The following COL4A4 variants were observed in gnomAD, a reference collection of about 807,000 sequenced individuals.
COL4A4 encodes collagen alpha-4(IV) chain.
In COL4A4, 105 loss-of-function variants were observed where a neutral mutation model predicts 192.9. That is an observed-to-expected ratio of 0.54 (90% confidence interval 0.46 to 0.64). COL4A4 has a LOEUF of 0.64. Among genes scored for constraint, COL4A4 ranks in the 30% least tolerant of loss-of-function variants. COL4A4 has a pLI of 0.00. For synonymous variants in COL4A4, 762 were observed against 769.9 expected (o/e 0.99, Z 0.17); for missense variants, 1,967 against 2,169.3 (o/e 0.91, Z 1.85).
intron 9 of COL4A4, among the ~76,000 whole-genome samples, chr2:227,110,350 G>A (rs569476549): frequency 5.9e-5 from 9 of 152,290 alleles, no homozygotes; most frequent in Admixed American, 2.6e-4. Flanking sequence ...CAGGAAAGTC[G>A]TTCCATCACT....
At chr2:227,035,905 T>C (rs539064548) in intron 37 of COL4A4, among the ~76,000 whole-genome samples, 50 of 152,328 alleles carry the variant, frequency 3.3e-4, no homozygotes, top group Middle Eastern at 3.4e-3. Flanking sequence ...CCTCTCGCCA[T>C]TGTTGAACTG....
intron 19 of COL4A4, among the ~76,000 whole-genome samples, chr2:227,097,698 T>A (rs2060278099): frequency 6.6e-6 from 1 of 152,208 alleles, no homozygotes; most frequent in Non-Finnish European, 1.5e-5. Flanking sequence ...CTGGGTCAGT[T>A]AGGCCAAGGC....
the COL4A4 span, chr2:226,997,612 T>C: frequency 1.3e-5 from 2 of 152,224 alleles, no homozygotes; most frequent in African/African-American, 2.4e-5. Flanking sequence ...TCACTGTATA[T>C]GGAAGTATTT....
chr2:227,161,505 A>AT (rs1474102192), intron 1 of COL4A4, among the ~76,000 whole-genome samples: 4 of 152,218 alleles, frequency 2.6e-5, no homozygotes, highest in South Asian at 2.1e-4. Context: ...CCCAAAGACA[A>AT]TTTTTTTAAC....
chr2:227,160,829 AAG>A (rs2125560484), intron 1 of COL4A4, among the ~76,000 whole-genome samples: 1 of 152,374 alleles, frequency 6.6e-6, no homozygotes, highest in African/African-American at 2.4e-5. Flanking sequence ...AGAGAAGCAG[AAG>A]AGGAGTCCAG....
chr2:227,022,610 C>G (rs1575818456), intron 43 of COL4A4: 2 of 518,100 alleles, frequency 3.9e-6, no homozygotes, highest in East Asian at 1.1e-4. Context: ...TTACTCTACA[C>G]TGCAGCCACG....
At chr2:227,159,608 T>C (rs190018309) in intron 1 of COL4A4, among the ~76,000 whole-genome samples, 56 of 152,326 alleles carry the variant, frequency 3.7e-4, no homozygotes, top group African/African-American at 1.3e-3. Context: ...TGGGAGGTAA[T>C]TGAATCATGG....
chr2:227,048,810 A>G (rs373792724), intron 34 of COL4A4, among the ~76,000 whole-genome samples: 1 of 152,226 alleles, frequency 6.6e-6, no homozygotes, highest in East Asian at 1.9e-4. Flanking sequence ...AAAAGGAGTG[A>G]CTTCTGAACC....
intron 44 of COL4A4, among the ~76,000 whole-genome samples, chr2:227,018,596 C>T (rs1965393244): frequency 6.6e-6 from 1 of 152,124 alleles, no homozygotes; most frequent in Non-Finnish European, 1.5e-5. Context: ...CAAAAAGGAG[C>T]CCCAGGGAAG....
the COL4A4 span, among the ~76,000 whole-genome samples, chr2:226,973,115 G>A: frequency 2.6e-5 from 4 of 152,094 alleles, no homozygotes; most frequent in Admixed American, 2.0e-4. Flanking sequence ...CTTCAGCCTC[G>A]GGGTTCTTGT....
chr2:227,114,246 G>A (rs1576613623), intron 8 of COL4A4, among the ~76,000 whole-genome samples: 2 of 152,356 alleles, frequency 1.3e-5, no homozygotes, highest in East Asian at 3.9e-4. Context: ...GGAGTTCAGA[G>A]GTGGGGGATG....
chr2:227,031,831 A>AT, intron 40 of COL4A4, 114 bp downstream of exon 40: 1 of 809,580 alleles, frequency 1.2e-6, no homozygotes, highest in Non-Finnish European at 2.1e-6. Flanking sequence ...TGCCAAGCTG[A>AT]TGGGGGGCTG....
At chr2:227,133,893 G>GA (rs58474080) in intron 4 of COL4A4, among the ~76,000 whole-genome samples, 1 of 146,986 alleles carries the variant, frequency 6.8e-6, no homozygotes. Context: ...TCTCAAAAAA[G>GA]AAAAAAAAAA....
downstream of COL4A4, among the ~76,000 whole-genome samples, chr2:227,002,202 C>A (rs1387886070): frequency 4.1e-5 from 6 of 147,630 alleles, no homozygotes; most frequent in Non-Finnish European, 7.4e-5. Context: ...GGCCACAAAG[C>A]AGTTATTGAA....
chr2:227,106,386 T>C (rs2060844201), intron 12 of COL4A4, among the ~76,000 whole-genome samples: 2 of 152,150 alleles, frequency 1.3e-5, no homozygotes, highest in Non-Finnish European at 2.9e-5. Context: ...AAAAGTACCA[T>C]ATACTCAGCA....
At chr2:227,145,826 A>C (rs1185681507) in intron 2 of COL4A4, among the ~76,000 whole-genome samples, 1 of 152,072 alleles carries the variant, frequency 6.6e-6, no homozygotes, top group Non-Finnish European at 1.5e-5. Context: ...CCCACACTAA[A>C]TTTCCTCTCT....
At position 227,118,544 on chromosome 2, in the gene COL4A4, G is replaced by A. The variant is rs554139385; in HGVS notation, c.489+101C>T. 1.5e-5 allele frequency: 14 copies of A among 915,516 alleles called. 1 individual carries two copies. Among genetic ancestry groups the A allele is most frequent in the Middle Eastern group, 4.3e-4 (2 of 4,660 alleles). 56.7% of individuals were successfully genotyped at this position (915,516 alleles called of 1,614,324 possible). A position where few individuals can be genotyped will look rare whatever the true frequency, so the allele number is the denominator to read the frequency against. The stretch of plus-strand genomic sequence containing the variant: ...CTCCCATTTGTTGACAATGCTCCAG[G>A]CACACTTGTATTAACTCTGTTTCTT... On this transcript the variant is annotated intron_variant, in intron 7 of 47. Transcript: ENST00000396625.
chr2:227,153,499 C>G (rs1350833071), intron 1 of COL4A4, among the ~76,000 whole-genome samples: 1 of 152,162 alleles, frequency 6.6e-6, no homozygotes. Flanking sequence ...TTTGTCTCCC[C>G]AGCCACACGG....
rs746500135 is a variant in COL4A4, at chr2:227,032,271, G to A, written c.3583C>T (p.His1195Tyr). Residue 1195 changes from histidine to tyrosine, a missense_variant, in exon 39 of 48, where the codon CAT becomes TAT. By Grantham distance (83) the His-to-Tyr change is moderately conservative (BLOSUM62 2). Transcript: ENST00000396625. ...ACTGGACCAGGTGGCCCCACATCAT[G>A]CAAACCTTAATGGGGAAAACAGAAT... ...QKGTKGASGLHDVGPPGPVGI... is the reference protein window; with the variant it reads ...QKGTKGASGLYDVGPPGPVGI... 1 of 1,613,534 alleles carries A rather than the reference G, an allele frequency of 6.2e-7. No homozygotes were observed. The highest frequency in any genetic ancestry group is 8.5e-7 in the Non-Finnish European group (1 of 1,179,654).
Sources: gnomAD v4.1 joint callset for allele counts (sites outside exome capture counted in the v4.1 genomes callset) on GRCh38, gnomAD v4.1.1 for gene constraint, MANE v1.5 for transcripts, NCBI Gene and HGNC (gene_info 2026-07-23, HGNC 2026-07-21) for gene names.